TBC1D8: variants seen among roughly 807,000 people sequenced by gnomAD.
TBC1D8 encodes the protein TBC1 domain family member 8.
A neutral mutation model predicts 118.8 loss-of-function variants in TBC1D8; 65 were observed. That is an observed-to-expected ratio of 0.55 (90% confidence interval 0.45 to 0.67). TBC1D8 has a LOEUF of 0.67. Among genes scored for constraint, TBC1D8 ranks in the 30% least tolerant of loss-of-function variants. TBC1D8 has a pLI of 0.00. For missense variants in TBC1D8, 1,376 were observed against 1,471.2 expected (o/e 0.94, Z 1.06); for synonymous variants, 566 against 595.8 (o/e 0.95, Z 0.73).
In TBC1D8 at chr2:101,080,983, C is replaced by T. The variant is rs574914006; in HGVS notation, c.283+9226G>A. On this transcript the variant is annotated intron_variant, in intron 2 of 19. Coordinates refer to ENST00000409318, the MANE Select transcript of TBC1D8 (RefSeq NM_001330348.2). ...TAGAGATGGGGTCTCACTGTGTTGC[C>T]CAGGCTGGTCTTGAATTCCCAGCCT... Among the ~76,000 whole-genome samples, 5 of 151,980 alleles carry T rather than the reference C, an allele frequency of 3.3e-5. No individual in the cohort carries two copies. In the South Asian group the frequency reaches 1.0e-3, roughly 32 times the overall value.
intron 5 of TBC1D8, among the ~76,000 whole-genome samples, chr2:101,044,160 C>G (rs979223764): frequency 6.6e-6 from 1 of 152,164 alleles, no homozygotes; most frequent in African/African-American, 2.4e-5. Flanking sequence ...TAGCCAGAGA[C>G]CAGAAACCTC....
At chr2:101,058,901 T>C (rs886559346) in intron 3 of TBC1D8, among the ~76,000 whole-genome samples, 1 of 81,476 alleles carries the variant, frequency 1.2e-5, no homozygotes, top group African/African-American at 6.1e-5. Flanking sequence ...TAAAGTCTTT[T>C]TTATTTTTTA....
intron 1 of TBC1D8, among the ~76,000 whole-genome samples, chr2:101,093,113 ATT>A (rs1676150815): frequency 6.6e-6 from 1 of 152,106 alleles, no homozygotes; most frequent in Admixed American, 6.6e-5. Context: ...CTTCATTATA[ATT>A]TTCTTAACCT....
chr2:101,030,003 G>T, intron 11 of TBC1D8: 1 of 462,078 alleles, frequency 2.2e-6, no homozygotes, highest in Non-Finnish European at 3.8e-6. Context: ...AAGTGGCATG[G>T]GGGAAATAAA....
chr2:101,064,138 G>A (rs1397676045), intron 2 of TBC1D8, among the ~76,000 whole-genome samples: 2 of 152,232 alleles, frequency 1.3e-5, no homozygotes, highest in Non-Finnish European at 2.9e-5. Flanking sequence ...CCCAGTGGGA[G>A]TGTGTTTGGA....
At chr2:101,044,150 T>C (rs1331036172) in intron 5 of TBC1D8, among the ~76,000 whole-genome samples, 3 of 152,172 alleles carry the variant, frequency 2.0e-5, no homozygotes, top group African/African-American at 4.8e-5. Flanking sequence ...CACATTTGGG[T>C]AGCCAGAGAC....
At chr2:101,125,441 C>T (rs1167699470) in intron 1 of TBC1D8, among the ~76,000 whole-genome samples, 2 of 152,136 alleles carry the variant, frequency 1.3e-5, no homozygotes. Context: ...ACACACAGGC[C>T]TCCTTCCAGA....
In TBC1D8 at chr2:101,023,534, G is replaced by T. The variant is rs1274282401; in HGVS notation, c.2521-1013C>A. 21 of 354,340 alleles carry T rather than the reference G, an allele frequency of 5.9e-5. 2 individuals carry two copies. The highest frequency in any genetic ancestry group is 4.8e-4 in the South Asian group (21 of 43,528). The allele number at this position is 354,340 out of a possible 1,614,324, so 21.9% of individuals were successfully genotyped here. A position where few individuals can be genotyped will look rare whatever the true frequency, so the allele number is the denominator to read the frequency against. ...ATAACCCTGGCTACCTGTGGGGAGG[G>T]CCCCAGAGGTGGAAGTGAGACTTTT... On this transcript the variant is annotated intron_variant, in intron 15 of 19. Transcript: ENST00000409318.
intron 1 of TBC1D8, among the ~76,000 whole-genome samples, chr2:101,116,087 A>T (rs1332387048): frequency 6.6e-6 from 1 of 152,216 alleles, no homozygotes. Context: ...AAATAAATAT[A>T]AGAAAAATCT....
intron 1 of TBC1D8, among the ~76,000 whole-genome samples, chr2:101,112,379 T>G (rs948783986): frequency 1.3e-5 from 2 of 152,350 alleles, no homozygotes; most frequent in South Asian, 2.1e-4. Flanking sequence ...ATGATGGTTA[T>G]GAAGAGCAAT....
intron 1 of TBC1D8, among the ~76,000 whole-genome samples, chr2:101,105,078 G>C (rs972001380): frequency 6.6e-6 from 1 of 150,844 alleles, no homozygotes; most frequent in Non-Finnish European, 1.5e-5. Context: ...AGGCCTAGAT[G>C]ACTAAGTGTG....
chr2:101,066,944 CAAAAAA>C (rs543680787), intron 2 of TBC1D8, among the ~76,000 whole-genome samples: 48,403 of 115,102 alleles, frequency 0.42, 10,114 homozygotes, highest in South Asian at 0.54. Context: ...GAGAGTATCC[CAAAAAA>C]AAAAAAAAAA....
intron 9 of TBC1D8, 89 bp from the exon 10 acceptor site, chr2:101,033,847 G>A (rs1680831229): frequency 7.2e-7 from 1 of 1,390,932 alleles, no homozygotes; most frequent in Non-Finnish European, 9.8e-7. Flanking sequence ...GGGGACCCCA[G>A]TGGGGTCTCG....
At chr2:101,046,078 C>T (rs1042608933) in intron 5 of TBC1D8, among the ~76,000 whole-genome samples, 2 of 152,170 alleles carry the variant, frequency 1.3e-5, no homozygotes, top group African/African-American at 2.4e-5. Flanking sequence ...GCCAGATCCA[C>T]GTGCTTTTCC....
intron 3 of TBC1D8, among the ~76,000 whole-genome samples, chr2:101,056,207 ATTTTTT>A (rs201834408): frequency 7.1e-6 from 1 of 140,232 alleles, no homozygotes; most frequent in Admixed American, 7.0e-5. Flanking sequence ...TATTATTATT[ATTTTTT>A]TTTTTTTTTT....
intron 15 of TBC1D8, 78 bp downstream of exon 15, chr2:101,027,305 T>G: frequency 7.4e-7 from 1 of 1,351,554 alleles, no homozygotes; most frequent in Non-Finnish European, 1.1e-6. Context: ...AGCTGCATGC[T>G]GTCCCCTGGG....
intron 3 of TBC1D8, among the ~76,000 whole-genome samples, chr2:101,057,467 A>G (rs910705432): frequency 6.6e-6 from 1 of 152,244 alleles, no homozygotes; most frequent in African/African-American, 2.4e-5. Context: ...CCCAAGTGCT[A>G]ACCACCCCTG....
chr2:101,018,995 T>C (rs753007490), intron 17 of TBC1D8: 1 of 1,612,206 alleles, frequency 6.2e-7, no homozygotes, highest in African/African-American at 1.3e-5. Flanking sequence ...ATTTCTGTGC[T>C]AGTTTCTGTG....
chr2:101,063,435 C>T lies in TBC1D8; in HGVS notation c.284-3896G>A, dbSNP rs530957808. On this transcript the variant is annotated intron_variant, in intron 2 of 19. Coordinates refer to ENST00000409318, the MANE Select transcript of TBC1D8 (RefSeq NM_001330348.2). The stretch of plus-strand genomic sequence containing the variant: ...TATAGTAAGCTTTTGTTCCAATCTA[C>T]CCTGCTCCTGAATATAAGACATAAT... 9.2e-5 allele frequency among the ~76,000 whole-genome samples: 14 copies of T among 152,312 alleles called. No homozygotes were observed. In the South Asian group the frequency reaches 2.1e-3, roughly 23 times the overall value.
Sources: gnomAD v4.1 joint callset for allele counts (sites outside exome capture counted in the v4.1 genomes callset) on GRCh38, gnomAD v4.1.1 for gene constraint, MANE v1.5 for transcripts, NCBI Gene and HGNC (gene_info 2026-07-23, HGNC 2026-07-21) for gene names.